Variants in SGCZ observed in about 807,000 individuals in gnomAD.
The protein encoded by SGCZ is zeta-sarcoglycan.
A neutral mutation model predicts 41.3 loss-of-function variants in SGCZ; 40 were observed. The ratio of observed to expected loss-of-function variants is 0.97; its 90% CI spans 0.75 to 1.26. SGCZ has a LOEUF of 1.26. SGCZ is among the 50% of genes most tolerant of loss of function. The probability of loss-of-function intolerance (pLI) is 0.00; values close to 1 mark genes in which losing one functional copy is unlikely to be tolerated. For synonymous variants in SGCZ, 206 were observed against 137.5 expected, an observed-to-expected ratio of 1.50 and a Z score of -3.49; for missense variants, 552 against 369.8, an observed-to-expected ratio of 1.49 and a Z score of -4.04.
intron 1 of SGCZ, among the ~76,000 whole-genome samples, chr8:14,558,929 T>G (rs1271412976): frequency 6.6e-6 from 1 of 151,938 alleles, no homozygotes; most frequent in Non-Finnish European, 1.5e-5. Context: ...AAAATTAGCA[T>G]CCCTTTATGA....
rs141377250 is a variant in SGCZ at position 14,889,952 on chromosome 8, G to A, written c.40-335026C>T. On this transcript the variant is annotated intron_variant, in intron 1 of 7. Coordinates refer to ENST00000382080, the MANE Select transcript of SGCZ (RefSeq NM_139167.4). Reference sequence around the variant, plus strand: ...TATGAGGAAGACCTGTTGAAAGCAGGCCTAAATGAGGCCTCCTGCACCAAG... The same window carrying A: ...TATGAGGAAGACCTGTTGAAAGCAGACCTAAATGAGGCCTCCTGCACCAAG... Among the ~76,000 whole-genome samples, 280 of 152,126 alleles carry A rather than the reference G, an allele frequency of 1.8e-3. 2 individuals carry two copies. Among genetic ancestry groups the A allele is most frequent in the African/African-American group, 6.1e-3 (253 of 41,510 alleles).
intron 2 of SGCZ, among the ~76,000 whole-genome samples, chr8:14,503,637 C>G (rs988506405): frequency 6.6e-6 from 1 of 151,678 alleles, no homozygotes; most frequent in Non-Finnish European, 1.5e-5. Context: ...GCGTGGTGGC[C>G]TGTGCCTGTA....
chr8:14,688,919 A>G (rs1808708594), intron 1 of SGCZ, among the ~76,000 whole-genome samples: 1 of 152,162 alleles, frequency 6.6e-6, no homozygotes, highest in Non-Finnish European at 1.5e-5. Flanking sequence ...GCAAAGTCTC[A>G]GGATACAAAA....
intron 2 of SGCZ, among the ~76,000 whole-genome samples, chr8:14,402,364 A>G (rs1799101867): frequency 6.6e-6 from 1 of 151,718 alleles, no homozygotes; most frequent in Non-Finnish European, 1.5e-5. Flanking sequence ...GTCCTTGCCC[A>G]TGCCTATGTC....
intron 2 of SGCZ, among the ~76,000 whole-genome samples, chr8:14,340,925 T>G (rs935694902): frequency 6.6e-6 from 1 of 152,048 alleles, no homozygotes; most frequent in Non-Finnish European, 1.5e-5. Flanking sequence ...ATTATACCCA[T>G]TAAACAACAA....
chr8:14,389,287 T>C (rs1319712418), intron 2 of SGCZ, among the ~76,000 whole-genome samples: 1 of 151,528 alleles, frequency 6.6e-6, no homozygotes, highest in Non-Finnish European at 1.5e-5. Flanking sequence ...TAGGAGAAAA[T>C]AGAAGAAAAG....
intron 1 of SGCZ, among the ~76,000 whole-genome samples, chr8:14,882,841 C>T (rs1168893941): frequency 6.6e-6 from 1 of 152,074 alleles, no homozygotes; most frequent in Non-Finnish European, 1.5e-5. Flanking sequence ...CATTTGGATC[C>T]ACTGACTCCA....
At chr8:14,252,235 T>G (rs979189938) in intron 3 of SGCZ, among the ~76,000 whole-genome samples, 1 of 152,166 alleles carries the variant, frequency 6.6e-6, no homozygotes, top group Non-Finnish European at 1.5e-5. Context: ...GTGCTAGCAG[T>G]TCTTAGCTAT....
intron 1 of SGCZ, among the ~76,000 whole-genome samples, chr8:14,828,888 C>G (rs539025803): frequency 3.9e-5 from 6 of 152,258 alleles, no homozygotes; most frequent in Non-Finnish European, 8.8e-5. Context: ...GACAATTTTG[C>G]AAGAGTTTCA....
chr8:14,589,948 A>C (rs1805187743), intron 1 of SGCZ, among the ~76,000 whole-genome samples: 4 of 152,092 alleles, frequency 2.6e-5, no homozygotes, highest in African/African-American at 9.7e-5. Context: ...CCTTTCACCC[A>C]GTTTTAAGAG....
chr8:14,880,867 A>C (rs1469606417), intron 1 of SGCZ, among the ~76,000 whole-genome samples: 2 of 152,154 alleles, frequency 1.3e-5, no homozygotes. Flanking sequence ...TGACGAGTTA[A>C]TGGGTGCAGC....
intron 3 of SGCZ, among the ~76,000 whole-genome samples, chr8:14,264,119 C>A (rs34471517): frequency 0.25 from 37,957 of 152,140 alleles, 6,055 homozygotes; most frequent in Non-Finnish European, 0.36. Context: ...CACAGGCGAA[C>A]CTCAGTGACA....
intron 4 of SGCZ, among the ~76,000 whole-genome samples, chr8:14,201,705 T>C (rs1402798731): frequency 1.3e-5 from 2 of 152,202 alleles, no homozygotes; most frequent in African/African-American, 4.8e-5. Context: ...TTGTAGTTAT[T>C]TGACTATATG....
Position 14,888,500 on chromosome 8 carries a change from T to A in SGCZ, c.40-333574A>T, listed in dbSNP as rs552096930. On this transcript the variant is annotated intron_variant, in intron 1 of 7. Coordinates refer to ENST00000382080, the MANE Select transcript of SGCZ (RefSeq NM_139167.4). ...GAATATAGAAAGAAAGTATACATAA[T>A]CGTATCATGAGCAACAATGAACAAA... 9.2e-3 allele frequency among the ~76,000 whole-genome samples: 1,402 copies of A among 152,214 alleles called. 15 individuals are homozygous for A. The highest frequency in any genetic ancestry group is 0.032 in the African/African-American group (1,316 of 41,538).
At chr8:14,518,667 C>T (rs1217161791) in intron 2 of SGCZ, among the ~76,000 whole-genome samples, 1 of 151,932 alleles carries the variant, frequency 6.6e-6, no homozygotes, top group Non-Finnish European at 1.5e-5. Flanking sequence ...AATCAGGTTA[C>T]ATATAAGAAA....
chr8:14,930,662 A>T lies in SGCZ; in HGVS notation c.39+306923T>A, dbSNP rs1484317555. On this transcript the variant is annotated intron_variant, in intron 1 of 7. Transcript: ENST00000382080. ...CATGGAATACTATGCAGCCATAAAA[A>T]AGGATGAGTTCACGTCCTTTGCAGG... Among the ~76,000 whole-genome samples the T allele has an allele frequency of 2.0e-5, 3 of 152,040 alleles. No individual in the cohort carries two copies. The East Asian group carries it at 5.8e-4, about 29-fold the overall frequency.
intron 1 of SGCZ, among the ~76,000 whole-genome samples, chr8:14,691,057 T>C (rs1214738944): frequency 6.6e-6 from 1 of 152,336 alleles, no homozygotes; most frequent in South Asian, 2.1e-4. Flanking sequence ...AGTCCTACTA[T>C]ATGTATCACT....
At chr8:14,686,492 G>A (rs1360689519) in intron 1 of SGCZ, among the ~76,000 whole-genome samples, 1 of 152,024 alleles carries the variant, frequency 6.6e-6, no homozygotes, top group African/African-American at 2.4e-5. Context: ...TGGACAGAAG[G>A]TAGTTGGAAT....
At chr8:14,579,965 T>A (rs1804833971) in intron 1 of SGCZ, among the ~76,000 whole-genome samples, 2 of 152,142 alleles carry the variant, frequency 1.3e-5, no homozygotes, top group South Asian at 4.1e-4. Context: ...AGTATTATGA[T>A]TGTCTGCTGA....
Sources: allele counts gnomAD v4.1 joint callset (sites outside exome capture counted in the v4.1 genomes callset), GRCh38; gene constraint gnomAD v4.1.1; transcripts MANE v1.5; gene names NCBI Gene and HGNC (gene_info 2026-07-23, HGNC 2026-07-21).